The following SNX25 variants were observed in gnomAD, a reference collection of about 807,000 sequenced individuals.
SNX25 encodes sorting nexin-25.
Under a neutral mutation model 113.7 loss-of-function variants are expected in SNX25, and 62 were observed. The observed-to-expected ratio is 0.55, with a 90% CI of 0.44 to 0.67. The LOEUF (loss-of-function observed/expected upper bound fraction) is 0.67. Among genes scored for constraint, SNX25 ranks in the 30% least tolerant of loss-of-function variants. The probability of loss-of-function intolerance (pLI) is 0.00; values close to 1 mark genes in which losing one functional copy is unlikely to be tolerated. For missense variants in SNX25, 1,014 were observed against 1,161.0 expected (o/e 0.87, Z 1.84); for synonymous variants, 421 against 436.2 (o/e 0.97, Z 0.43).
At chr4:185,227,203 C>G (rs190317195) in intron 1 of SNX25, among the ~76,000 whole-genome samples, 123 of 152,344 alleles carry the variant, frequency 8.1e-4, no homozygotes, top group Non-Finnish European at 1.4e-3. Context: ...GGCAGGTGCC[C>G]GTTTGTTACC....
At chr4:185,366,163 A>G (rs2126771416), downstream of SNX25, 1 of 152,380 alleles carries the variant, frequency 6.6e-6, no homozygotes, top group Middle Eastern at 3.4e-3. Flanking sequence ...ATAGCCTTGT[A>G]CAATCTTATG....
At chr4:185,344,873 T>G (rs991145416) in intron 12 of SNX25, among the ~76,000 whole-genome samples, 7 of 152,232 alleles carry the variant, frequency 4.6e-5, no homozygotes, top group African/African-American at 1.7e-4. Flanking sequence ...GCTACATTTC[T>G]CAGATGGCCT....
chr4:185,272,674 C>T (rs1273474537), intron 5 of SNX25, among the ~76,000 whole-genome samples: 1 of 152,172 alleles, frequency 6.6e-6, no homozygotes, highest in African/African-American at 2.4e-5. Context: ...ATTCTTCCAC[C>T]TGCTTCCCAT....
intron 1 of SNX25, among the ~76,000 whole-genome samples, chr4:185,214,818 C>T (rs888966085): frequency 6.6e-6 from 1 of 152,204 alleles, no homozygotes; most frequent in South Asian, 2.1e-4. Context: ...AAAGCATGTG[C>T]TCAACAGATG....
chr4:185,353,426 A>C, intron 14 of SNX25, 59 bp from the exon 15 acceptor site: 1 of 1,331,372 alleles, frequency 7.5e-7, no homozygotes, highest in Non-Finnish European at 1.1e-6. Flanking sequence ...GAGGGAGAAC[A>C]ACTCTACCAA....
chr4:185,239,146 C>T (rs1028196212), intron 1 of SNX25, among the ~76,000 whole-genome samples: 13 of 152,260 alleles, frequency 8.5e-5, no homozygotes, highest in Non-Finnish European at 1.3e-4. Flanking sequence ...ATTGATAAAA[C>T]GTACATGCTT....
rs764396183 is a variant in SNX25, at chr4:185,267,108, C to T, written c.1044C>T (p.Ile348=). 6.2e-7 allele frequency: 1 copy of T among 1,613,838 alleles called. No individual in the cohort carries two copies. The highest frequency in any genetic ancestry group is 8.5e-7 in the Non-Finnish European group (1 of 1,179,916). Residue 348 remains isoleucine, a synonymous_variant, in exon 5 of 19, where the codon ATC becomes ATT. Coordinates refer to ENST00000652585, the MANE Select transcript of SNX25 (RefSeq NM_001378034.2). The stretch of plus-strand genomic sequence containing the variant: ...ATGCCCCCTCTTACGAGGACTTCAT[C>T]AAGCTCATTAACAGCAACTCTGATG... ...YTYAPSYEDF[I]KLINSNSDVE...
At chr4:185,306,378 T>G (rs753359) in intron 6 of SNX25, among the ~76,000 whole-genome samples, 66,819 of 152,172 alleles carry the variant, frequency 0.44, 14,838 homozygotes, top group East Asian at 0.57. Flanking sequence ...TGGCCCATTA[T>G]CAAACAGAAC....
chr4:185,234,262 A>G lies in SNX25; in HGVS notation c.430-13032A>G, dbSNP rs117833526. On this transcript the variant is annotated intron_variant, in intron 1 of 18. Coordinates refer to ENST00000652585, the MANE Select transcript of SNX25 (RefSeq NM_001378034.2). ...TTATTTTTCTTTTAGAAAGCAGGTT[A>G]TTCACCAGGAAACATTACGAAAGGA... Among the ~76,000 whole-genome samples the G allele has an allele frequency of 2.8e-3, 433 of 152,340 alleles. 15 individuals carry two copies. In the South Asian group the frequency reaches 0.057, roughly 20 times the overall value.
intron 1 of SNX25, among the ~76,000 whole-genome samples, chr4:185,233,516 A>G (rs1351359329): frequency 6.6e-6 from 1 of 151,890 alleles, no homozygotes; most frequent in Non-Finnish European, 1.5e-5. Context: ...GAATTTTTTT[A>G]TCATATAAAC....
intron 1 of SNX25, among the ~76,000 whole-genome samples, chr4:185,220,731 C>T (rs1320079474): frequency 9.2e-5 from 14 of 152,106 alleles, no homozygotes; most frequent in Admixed American, 1.3e-4. Flanking sequence ...CCGCCCACCT[C>T]GGCCTCCCAA....
intron 2 of SNX25, among the ~76,000 whole-genome samples, chr4:185,254,629 C>G (rs1373208014): frequency 1.3e-5 from 2 of 152,210 alleles, no homozygotes; most frequent in Non-Finnish European, 2.9e-5. Context: ...AGCCTTTTAA[C>G]TTGTGTCCTC....
At position 185,236,140 on chromosome 4, in the gene SNX25, C is replaced by G. The variant is rs79447599; in HGVS notation, c.430-11154C>G. The stretch of plus-strand genomic sequence containing the variant: ...TTCCCTTGCACCTACTTCTCACCCT[C>G]TGCCTCAGGGTAAGAGAATTAGCTG... On this transcript the variant is annotated intron_variant, in intron 1 of 18. Coordinates refer to ENST00000652585, the MANE Select transcript of SNX25 (RefSeq NM_001378034.2). Among the ~76,000 whole-genome samples the G allele has an allele frequency of 7.9e-3, 1,204 of 152,364 alleles. 7 individuals are homozygous for G. The highest frequency in any genetic ancestry group is 0.022 in the South Asian group (105 of 4,826).
chr4:185,266,449 C>T (rs1485384059), intron 4 of SNX25, among the ~76,000 whole-genome samples: 1 of 152,034 alleles, frequency 6.6e-6, no homozygotes, highest in Non-Finnish European at 1.5e-5. Flanking sequence ...CAACCTCTGC[C>T]TCCCGGGTTC....
chr4:185,371,180 C>G (rs1222570059), downstream of SNX25: 1 of 171,430 alleles, frequency 5.8e-6, no homozygotes, highest in African/African-American at 2.4e-5. Context: ...ATGGAAACAT[C>G]AACCTTCAGT....
Position 185,320,810 on chromosome 4 carries a change from A to G in SNX25, c.1422A>G (p.Lys474=), listed in dbSNP as rs373892678. ...HFGMYMERMD[K]RALISFWESV... is the part of the protein sequence containing the mutation. Reference sequence around the variant, plus strand: ...GAATGTACATGGAAAGGATGGACAAAAGAGCTCTGATTAGTTTTTGGGAAT... The same window carrying G: ...GAATGTACATGGAAAGGATGGACAAGAGAGCTCTGATTAGTTTTTGGGAAT... The change falls in exon 8 of 19, where the codon AAA becomes AAG. Residue 474 remains lysine (K), a synonymous_variant. Transcript: ENST00000652585. The G allele has an allele frequency of 1.6e-5, 25 of 1,607,042 alleles. No individual in the cohort carries two copies. The African/African-American group carries it at 3.1e-4, about 20-fold the overall frequency.
chr4:185,315,253 C>A (rs2095063656), intron 7 of SNX25, among the ~76,000 whole-genome samples: 1 of 150,554 alleles, frequency 6.6e-6, no homozygotes, highest in African/African-American at 2.4e-5. Context: ...AAAAGAAAAC[C>A]TTCCCACAGA....
At position 185,274,063 on chromosome 4, in the gene SNX25, C is replaced by CT. The variant is rs1259565969; in HGVS notation, c.1091+6923dup. ...AAAAGATGACAAGGTTATACACGGG[C>CT]TTTTTTTTTTTTTTTGAGATGGAGT... On this transcript the variant is annotated intron_variant, in intron 5 of 18. Transcript: ENST00000652585. Among the ~76,000 whole-genome samples, 447 of 139,062 alleles carry CT rather than the reference C, an allele frequency of 3.2e-3. 2 individuals carry two copies. Among genetic ancestry groups the CT allele is most frequent in the South Asian group, 6.3e-3 (27 of 4,290 alleles). The allele number at this position is 139,062 out of a possible 152,430, so 91.2% of individuals were successfully genotyped here. A position where few individuals can be genotyped will look rare whatever the true frequency, so the allele number is the denominator to read the frequency against.
At chr4:185,365,541 A>C (rs1005277926), downstream of SNX25, 2 of 151,886 alleles carry the variant, frequency 1.3e-5, no homozygotes, top group African/African-American at 2.4e-5. Context: ...TTTTTAGTAG[A>C]GACGGGGTTT....
Sources: allele counts gnomAD v4.1 joint callset (sites outside exome capture counted in the v4.1 genomes callset), GRCh38; gene constraint gnomAD v4.1.1; transcripts MANE v1.5; gene names NCBI Gene and HGNC (gene_info 2026-07-23, HGNC 2026-07-21).